CCDC141: variants seen among roughly 807,000 people sequenced by gnomAD.
CCDC141 encodes the protein coiled-coil domain containing 141, also known as coiled-coil domain-containing protein 141.
A neutral mutation model predicts 181.0 loss-of-function variants in CCDC141; 168 were observed. The observed-to-expected ratio is 0.93, with a 90% confidence interval of 0.82 to 1.05. CCDC141 has a LOEUF of 1.05. Among genes scored for constraint, CCDC141 ranks in the 50% least tolerant of loss-of-function variants. The pLI is 0.00. For missense variants in CCDC141, 1,902 were observed against 1,788.5 expected (o/e 1.06, Z -1.14); for synonymous variants, 666 against 642.3 (o/e 1.04, Z -0.56).
chr2:178,905,793 G>A (rs964064961), intron 7 of CCDC141, among the ~76,000 whole-genome samples: 22 of 152,234 alleles, frequency 1.4e-4, no homozygotes, highest in African/African-American at 4.6e-4. Flanking sequence ...AGTTATAACC[G>A]CATAGAATTT....
At chr2:179,049,493 G>C (rs767728331) in intron 1 of CCDC141, among the ~76,000 whole-genome samples, 6 of 151,962 alleles carry the variant, frequency 3.9e-5, no homozygotes, top group African/African-American at 2.4e-5. Context: ...TCTTTAGTCA[G>C]GCAATCATGA....
At chr2:178,927,773 A>G (rs542533549) in intron 6 of CCDC141, among the ~76,000 whole-genome samples, 2 of 152,194 alleles carry the variant, frequency 1.3e-5, no homozygotes, top group Non-Finnish European at 2.9e-5. Context: ...AGATAGAACC[A>G]GTGAGATCTA....
chr2:178,815,868 G>C, the CCDC141 span, among the ~76,000 whole-genome samples: 1 of 152,042 alleles, frequency 6.6e-6, no homozygotes, highest in Non-Finnish European at 1.5e-5. Flanking sequence ...TGTGAGTAGG[G>C]AGAGGCAACT....
chr2:179,026,825 C>T (rs1017222789), intron 2 of CCDC141, among the ~76,000 whole-genome samples: 3 of 152,212 alleles, frequency 2.0e-5, no homozygotes, highest in African/African-American at 7.2e-5. Flanking sequence ...TCAGCATGAC[C>T]TGGAGGTGAG....
intron 2 of CCDC141, among the ~76,000 whole-genome samples, chr2:178,995,102 A>G (rs1692223096): frequency 6.6e-6 from 1 of 152,190 alleles, no homozygotes; most frequent in East Asian, 1.9e-4. Context: ...TCACTTCCAC[A>G]TTTCAGGTAT....
At chr2:178,906,424 T>C (rs77237437) in intron 7 of CCDC141, among the ~76,000 whole-genome samples, 4,077 of 152,236 alleles carry the variant, frequency 0.027, 173 homozygotes, top group African/African-American at 0.092. Context: ...TCTCCTGATA[T>C]CTCACCTAAT....
At chr2:178,986,933 CAAATGACTTTCTTCACAGAATTGGAAA>C (rs982486331) in intron 2 of CCDC141, among the ~76,000 whole-genome samples, 1 of 152,006 alleles carries the variant, frequency 6.6e-6, no homozygotes, top group African/African-American at 2.4e-5. Flanking sequence ...CATCAAGCTA[CAAATGACTTTCTTCACAGAATTGGAAA>C]AAACTACTTT....
In CCDC141 at chr2:178,897,341, G is replaced by C. The variant is rs149774568; in HGVS notation, c.1265+7988C>G. Among the ~76,000 whole-genome samples the C allele has an allele frequency of 1.6e-3, 240 of 152,246 alleles. 1 individual carries two copies. Among genetic ancestry groups the C allele is most frequent in the African/African-American group, 5.4e-3 (224 of 41,538 alleles). ...TTCTGAATAAACAAATGAAGAAAGTGATCATGTCCTGTTCCAAAAAGTTCA... is the reference window on the plus strand; with the variant it reads ...TTCTGAATAAACAAATGAAGAAAGTCATCATGTCCTGTTCCAAAAAGTTCA... On this transcript the variant is annotated intron_variant, in intron 8 of 23. Transcript: ENST00000443758.
rs1265783768 is a variant in CCDC141, at chr2:179,047,358, G to A, written c.151C>T (p.Leu51=). 1 of 1,541,660 alleles carries A rather than the reference G, an allele frequency of 6.5e-7. No homozygotes were observed. Residue 51 remains leucine, a synonymous_variant, in exon 2 of 24, where the codon CTA becomes TTA. Coordinates refer to ENST00000443758, the MANE Select transcript of CCDC141 (RefSeq NM_173648.4). ...LQLAESQPNL[L]EIGSSQDETK... is the part of the protein sequence containing the mutation. ...TCATCTTGACTGCTGCCAATTTCTA[G>A]AAGATTGGGCTGTGATTCAGCCAGT... is the stretch of plus-strand genomic sequence containing the variant.
intron 6 of CCDC141, among the ~76,000 whole-genome samples, chr2:178,921,720 T>A (rs1264851564): frequency 1.3e-5 from 2 of 152,202 alleles, no homozygotes; most frequent in African/African-American, 2.4e-5. Flanking sequence ...GTTGGAACAA[T>A]GTTGGGGAAA....
chr2:178,989,593 C>CAAA (rs1204459331), intron 2 of CCDC141, among the ~76,000 whole-genome samples: 6 of 76,632 alleles, frequency 7.8e-5, no homozygotes, highest in African/African-American at 2.9e-4. Flanking sequence ...GACCCTGCCT[C>CAAA]AAAAAAAAAA....
At chr2:178,826,874 G>A (rs1330586474), downstream of CCDC141, among the ~76,000 whole-genome samples, 3 of 151,812 alleles carry the variant, frequency 2.0e-5, no homozygotes, top group African/African-American at 7.3e-5. Flanking sequence ...TTACACTCTC[G>A]TTTTTAAGTT....
intron 2 of CCDC141, among the ~76,000 whole-genome samples, chr2:178,990,625 G>A (rs1317811804): frequency 1.3e-5 from 2 of 150,206 alleles, no homozygotes; most frequent in Admixed American, 6.6e-5. Context: ...GAAGGGAAGG[G>A]AATGGAAGGG....
intron 5 of CCDC141, among the ~76,000 whole-genome samples, chr2:178,957,697 C>T (rs148451400): frequency 3.3e-5 from 5 of 152,274 alleles, no homozygotes; most frequent in Non-Finnish European, 5.9e-5. Context: ...GATGAACAAA[C>T]TGTGGTATAT....
Position 179,049,887 on chromosome 2 carries a change from C to T in CCDC141, c.55G>A (p.Val19Ile). The stretch of plus-strand genomic sequence containing the variant: ...TTGGAGTCCCCAGCCTGCACAGCAA[C>T]TGAACTGACTGTCGTCGTAGAAAGC... Reference protein sequence around the residue: ...VALSTTTVSSVAVQAGDSKIV... With the variant: ...VALSTTTVSSIAVQAGDSKIV... Residue 19 changes from valine to isoleucine, a missense_variant, in exon 1 of 24, where the codon GTT becomes ATT. By Grantham distance (29) the Val-to-Ile change is conservative. Coordinates refer to ENST00000443758, the MANE Select transcript of CCDC141 (RefSeq NM_173648.4). The T allele has an allele frequency of 6.4e-7, 1 of 1,550,798 alleles. No homozygotes were observed. Among genetic ancestry groups the T allele is most frequent in the Non-Finnish European group, 8.7e-7 (1 of 1,146,990 alleles).
chr2:178,886,174 G>A (rs911031149), intron 10 of CCDC141, among the ~76,000 whole-genome samples: 2 of 151,966 alleles, frequency 1.3e-5, no homozygotes, highest in African/African-American at 4.8e-5. Flanking sequence ...CCAGGGGAGG[G>A]CACTTGACTC....
At chr2:178,932,554 T>C (rs1253953103) in intron 6 of CCDC141, among the ~76,000 whole-genome samples, 1 of 152,238 alleles carries the variant, frequency 6.6e-6, no homozygotes, top group African/African-American at 2.4e-5. Flanking sequence ...TGATATAATG[T>C]TAATTGGAAA....
In CCDC141 at chr2:178,964,880, T is replaced by A. The variant is rs1489703222; in HGVS notation, c.527-3397A>T. ...TACTTACTGACACAATACCTTGTGA[T>A]ATGAACTTAGAAGATAGTCGATAAA... On this transcript the variant is annotated intron_variant, in intron 4 of 23. Coordinates refer to ENST00000443758, the MANE Select transcript of CCDC141 (RefSeq NM_173648.4). Among the ~76,000 whole-genome samples, 4 of 152,244 alleles carry A rather than the reference T, an allele frequency of 2.6e-5. No homozygotes were observed. The East Asian group carries it at 7.7e-4, about 29-fold the overall frequency.
At chr2:179,001,121 A>G (rs2041957602) in intron 2 of CCDC141, among the ~76,000 whole-genome samples, 1 of 152,196 alleles carries the variant, frequency 6.6e-6, no homozygotes, top group African/African-American at 2.4e-5. Context: ...AGAAAATATG[A>G]AAAAAGTCAA....
Sources: allele counts gnomAD v4.1 joint callset (sites outside exome capture counted in the v4.1 genomes callset), GRCh38; gene constraint gnomAD v4.1.1; transcripts MANE v1.5; gene names NCBI Gene and HGNC (gene_info 2026-07-23, HGNC 2026-07-21).